Variants in C7orf78 observed in about 807,000 individuals in gnomAD.
C7orf78 encodes chromosome 7 open reading frame 78.
chr7:12,516,208 A>C, the C7orf78 span, among the ~76,000 whole-genome samples: 1 of 152,178 alleles, frequency 6.6e-6, no homozygotes, highest in Non-Finnish European at 1.5e-5. Context: ...TATGTCCCAG[A>C]TGCTCCAGCC....
the C7orf78 span, among the ~76,000 whole-genome samples, chr7:12,496,835 A>T: frequency 6.6e-6 from 1 of 152,254 alleles, no homozygotes; most frequent in East Asian, 1.9e-4. Context: ...AGATAGGTTA[A>T]TTCTATTTCC....
the C7orf78 span, among the ~76,000 whole-genome samples, chr7:12,521,179 G>A: frequency 4.6e-5 from 7 of 152,146 alleles, no homozygotes; most frequent in Admixed American, 3.3e-4. Flanking sequence ...GTCAATCTAC[G>A]TTTTTTAATT....
chr7:12,513,879 A>G, the C7orf78 span, among the ~76,000 whole-genome samples: 2 of 152,142 alleles, frequency 1.3e-5, no homozygotes, highest in Non-Finnish European at 2.9e-5. Context: ...GGGTGCCTGT[A>G]GTCCCAGCTA....
the C7orf78 span, chr7:12,523,235 A>G: frequency 2.9e-6 from 1 of 339,926 alleles, no homozygotes; most frequent in African/African-American, 3.9e-5. Flanking sequence ...AAAAAGGAGG[A>G]AAAAAATCAG....
chr7:12,501,075 A>G, the C7orf78 span, among the ~76,000 whole-genome samples: 23 of 150,068 alleles, frequency 1.5e-4, no homozygotes, highest in Admixed American at 5.3e-4. Flanking sequence ...TTGATGGGAC[A>G]TATTTCAAAA....
the C7orf78 span, among the ~76,000 whole-genome samples, chr7:12,497,590 C>G: frequency 6.6e-6 from 1 of 152,116 alleles, no homozygotes; most frequent in Non-Finnish European, 1.5e-5. Context: ...TCCTACCCCA[C>G]GGAGTCTCGC....
the C7orf78 span, among the ~76,000 whole-genome samples, chr7:12,537,518 G>C: frequency 6.6e-6 from 1 of 152,150 alleles, no homozygotes; most frequent in African/African-American, 2.4e-5. Flanking sequence ...CACTGCTTGA[G>C]GGGGAAGAAT....
At chr7:12,508,779 G>C in the C7orf78 span, among the ~76,000 whole-genome samples, 2 of 152,270 alleles carry the variant, frequency 1.3e-5, no homozygotes, top group South Asian at 2.1e-4. Flanking sequence ...CTTCCTGTCA[G>C]ATCAGTGGTG....
the C7orf78 span, among the ~76,000 whole-genome samples, chr7:12,487,383 T>C: frequency 6.6e-6 from 1 of 152,052 alleles, no homozygotes; most frequent in Non-Finnish European, 1.5e-5. Context: ...ACTACACTGA[T>C]CCTTTAGAAA....
chr7:12,515,146 G>T, the C7orf78 span, among the ~76,000 whole-genome samples: 1 of 152,264 alleles, frequency 6.6e-6, no homozygotes, highest in East Asian at 1.9e-4. Context: ...TGGTTTGGCT[G>T]TGTCCTCACC....
the C7orf78 span, among the ~76,000 whole-genome samples, chr7:12,484,500 T>C: frequency 6.6e-6 from 1 of 152,218 alleles, no homozygotes; most frequent in South Asian, 2.1e-4. Context: ...ATAAACTCTC[T>C]GTAGTCATTA....
the C7orf78 span, chr7:12,523,402 T>C: frequency 2.5e-6 from 1 of 398,180 alleles, no homozygotes; most frequent in East Asian, 3.6e-5. Context: ...TATATGTCAA[T>C]CCCAAACCAC....
At chr7:12,521,049 G>C in the C7orf78 span, among the ~76,000 whole-genome samples, 4 of 151,348 alleles carry the variant, frequency 2.6e-5, no homozygotes, top group African/African-American at 7.3e-5. Flanking sequence ...GTTTAGCTTT[G>C]GTTTCCATTT....
chr7:12,489,172 G>T, the C7orf78 span, among the ~76,000 whole-genome samples: 1 of 151,934 alleles, frequency 6.6e-6, no homozygotes, highest in Non-Finnish European at 1.5e-5. Flanking sequence ...AGGGACATCT[G>T]TCATGAAAAA....
the C7orf78 span, among the ~76,000 whole-genome samples, chr7:12,512,507 T>A: frequency 6.6e-6 from 1 of 152,206 alleles, no homozygotes; most frequent in African/African-American, 2.4e-5. Context: ...CTTCCACATG[T>A]TGAACCATCT....
At chr7:12,492,319 A>G in the C7orf78 span, among the ~76,000 whole-genome samples, 2 of 152,216 alleles carry the variant, frequency 1.3e-5, no homozygotes, top group Non-Finnish European at 2.9e-5. Context: ...TCTCTACCCA[A>G]GTCATTGGGA....
the C7orf78 span, among the ~76,000 whole-genome samples, chr7:12,518,373 T>C: frequency 1.3e-5 from 2 of 152,152 alleles, no homozygotes; most frequent in Admixed American, 6.5e-5. Flanking sequence ...ATGCTGGTAA[T>C]GGCAGTGGTG....
At chr7:12,524,264 C>T in the C7orf78 span, among the ~76,000 whole-genome samples, 9 of 152,040 alleles carry the variant, frequency 5.9e-5, no homozygotes, top group African/African-American at 1.2e-4. Flanking sequence ...AAGCAACGAA[C>T]GAAACAGTAT....
At chr7:12,508,373 G>T in the C7orf78 span, among the ~76,000 whole-genome samples, 2 of 149,184 alleles carry the variant, frequency 1.3e-5, no homozygotes, top group Non-Finnish European at 3.0e-5. Flanking sequence ...ACTCATTAAG[G>T]AAGTCACTAG....
Sources: allele counts gnomAD v4.1 joint callset (sites outside exome capture counted in the v4.1 genomes callset), GRCh38; gene constraint gnomAD v4.1.1; transcripts MANE v1.5; gene names NCBI Gene and HGNC (gene_info 2026-07-23, HGNC 2026-07-21).